Variants in MEMO1 observed in about 807,000 individuals in gnomAD.
MEMO1 encodes the protein mediator of cell motility 1.
MEMO1 carries 6 observed loss-of-function variants against 45.2 expected under a neutral mutation model. That is an observed-to-expected ratio of 0.13 (90% CI 0.07 to 0.26). The LOEUF (loss-of-function observed/expected upper bound fraction) is 0.26. MEMO1 is among the 10% of genes least tolerant of loss of function. The probability of loss-of-function intolerance (pLI) is 1.00; values close to 1 mark genes in which losing one functional copy is unlikely to be tolerated. For synonymous variants in MEMO1, 78 were observed against 124.3 expected (o/e 0.63, Z 2.48); for missense variants, 184 against 370.5 (o/e 0.50, Z 4.13).
chr2:31,960,687 G>A (rs1425886522), intron 2 of MEMO1, among the ~76,000 whole-genome samples: 1 of 152,224 alleles, frequency 6.6e-6, no homozygotes, highest in Middle Eastern at 3.4e-3. Flanking sequence ...CGGGGTTCAA[G>A]CAATTCTTGT....
chr2:31,983,625 G>A (rs966210376), intron 2 of MEMO1, among the ~76,000 whole-genome samples: 9 of 152,106 alleles, frequency 5.9e-5, no homozygotes, highest in Non-Finnish European at 1.0e-4. Flanking sequence ...GTAGAGACAC[G>A]GTTTCTCCAT....
rs1558513971 is a variant in MEMO1, at chr2:31,933,330, AAAAAAAAAAAAAAAAAAAATT to A, written c.144-1216_144-1196del. Among the ~76,000 whole-genome samples the A allele has an allele frequency of 5.9e-4, 34 of 57,210 alleles. No individual in the cohort carries two copies. In the South Asian group the frequency reaches 0.017, roughly 29 times the overall value. The allele number at this position is 57,210 out of a possible 152,430, so 37.5% of individuals were successfully genotyped here. A position where few individuals can be genotyped will look rare whatever the true frequency, so the allele number is the denominator to read the frequency against. ...ATACCACCTCTTTAAAAAAAAAAAA[AAAAAAAAAAAAAAAAAAAATT>A]TATATATATATATATATATATATAT... On this transcript the variant is annotated intron_variant, in intron 3 of 9. Transcript: ENST00000404530.
intron 2 of MEMO1, among the ~76,000 whole-genome samples, chr2:32,009,230 G>C (rs953063369): frequency 6.6e-6 from 1 of 152,196 alleles, no homozygotes; most frequent in Non-Finnish European, 1.5e-5. Flanking sequence ...AATTCGTTAG[G>C]TAGTTCCAGC....
chr2:31,944,816 G>A (rs941897952), intron 2 of MEMO1, among the ~76,000 whole-genome samples: 3 of 151,874 alleles, frequency 2.0e-5, no homozygotes, highest in African/African-American at 7.3e-5. Flanking sequence ...TCCACTGCTT[G>A]CCATCCATTC....
chr2:31,992,402 G>A (rs1237960806), intron 2 of MEMO1, among the ~76,000 whole-genome samples: 2 of 152,210 alleles, frequency 1.3e-5, no homozygotes, highest in East Asian at 1.9e-4. Flanking sequence ...AGAGATAAGA[G>A]GTGTCATGGC....
At chr2:31,905,164 G>A (rs1679477673) in intron 6 of MEMO1, among the ~76,000 whole-genome samples, 1 of 152,106 alleles carries the variant, frequency 6.6e-6, no homozygotes, top group Non-Finnish European at 1.5e-5. Context: ...AGCCTGGGAG[G>A]TGGAGGCTGT....
At chr2:31,944,527 C>T (rs1665975629) in intron 2 of MEMO1, among the ~76,000 whole-genome samples, 1 of 152,214 alleles carries the variant, frequency 6.6e-6, no homozygotes, top group Non-Finnish European at 1.5e-5. Flanking sequence ...CTTCCCACCA[C>T]TTATTCTGCT....
At chr2:31,932,201 A>C (rs1664266011) in intron 3 of MEMO1, 66 bp from the exon 4 acceptor site, 1 of 1,391,942 alleles carries the variant, frequency 7.2e-7, no homozygotes. Context: ...AGAAAGAAAA[A>C]CCTTGAAATA....
chr2:31,938,462 C>T (rs572065708), intron 3 of MEMO1, among the ~76,000 whole-genome samples: 5 of 151,652 alleles, frequency 3.3e-5, no homozygotes, highest in African/African-American at 7.3e-5. Flanking sequence ...CTGGCTAACA[C>T]GGTGAAACCA....
chr2:31,926,971 G>A (rs891267564), intron 4 of MEMO1, among the ~76,000 whole-genome samples: 2 of 152,076 alleles, frequency 1.3e-5, no homozygotes, highest in East Asian at 1.9e-4. Flanking sequence ...TGCTCCACAC[G>A]TTACAAAATT....
At chr2:31,874,747 C>T (rs1039618664) in intron 8 of MEMO1, among the ~76,000 whole-genome samples, 3 of 151,852 alleles carry the variant, frequency 2.0e-5, no homozygotes, top group African/African-American at 7.2e-5. Flanking sequence ...CATCCAAGTA[C>T]ATTTTGTCTG....
chr2:31,888,185 G>T (rs886120945), intron 7 of MEMO1, among the ~76,000 whole-genome samples: 11 of 151,894 alleles, frequency 7.2e-5, no homozygotes, highest in African/African-American at 2.7e-4. Flanking sequence ...TTTACTTTTT[G>T]TTTATTTTTT....
intron 2 of MEMO1, among the ~76,000 whole-genome samples, chr2:31,982,273 G>C (rs1280578260): frequency 7.0e-6 from 1 of 142,350 alleles, no homozygotes; most frequent in Non-Finnish European, 1.5e-5. Flanking sequence ...CTGCAGCCTG[G>C]TGACAGAGGA....
chr2:31,898,951 T>C (rs1001915975), intron 6 of MEMO1, among the ~76,000 whole-genome samples: 3 of 152,198 alleles, frequency 2.0e-5, no homozygotes, highest in Admixed American at 2.0e-4. Context: ...CATTGATCCC[T>C]TTACCATTAT....
intron 2 of MEMO1, among the ~76,000 whole-genome samples, chr2:31,972,524 A>C (rs191058508): frequency 6.6e-6 from 1 of 152,288 alleles, no homozygotes; most frequent in East Asian, 1.9e-4. Flanking sequence ...CAGCCTGGCC[A>C]ACATGGTGAA....
intron 2 of MEMO1, among the ~76,000 whole-genome samples, chr2:32,002,030 C>A (rs551366984): frequency 2.0e-5 from 3 of 150,710 alleles, no homozygotes; most frequent in African/African-American, 7.3e-5. Flanking sequence ...CCTGTAGACC[C>A]AGCTACTTGG....
intron 8 of MEMO1, among the ~76,000 whole-genome samples, chr2:31,870,887 G>C (rs540510835): frequency 1.4e-4 from 21 of 152,012 alleles, no homozygotes; most frequent in African/African-American, 5.1e-4. Flanking sequence ...CTACAACACA[G>C]GTCTCTTATG....
intron 2 of MEMO1, among the ~76,000 whole-genome samples, chr2:32,007,511 G>A (rs1674249381): frequency 6.6e-6 from 1 of 152,140 alleles, no homozygotes; most frequent in African/African-American, 2.4e-5. Context: ...GAAGATATAT[G>A]TGTGTGTATA....
At chr2:31,994,634 A>T (rs1672347785) in intron 2 of MEMO1, among the ~76,000 whole-genome samples, 1 of 151,744 alleles carries the variant, frequency 6.6e-6, no homozygotes, top group South Asian at 2.1e-4. Flanking sequence ...TTGTCTAAAA[A>T]AAAAATAATA....
Sources: gnomAD v4.1 joint callset for allele counts (sites outside exome capture counted in the v4.1 genomes callset) on GRCh38, gnomAD v4.1.1 for gene constraint, MANE v1.5 for transcripts, NCBI Gene and HGNC (gene_info 2026-07-23, HGNC 2026-07-21) for gene names.